The following PITPNC1 variants were observed in gnomAD, a reference collection of about 807,000 sequenced individuals.
The protein encoded by PITPNC1 is cytoplasmic phosphatidylinositol transfer protein 1.
PITPNC1 carries 18 observed loss-of-function variants against 44.7 expected under a neutral mutation model. The ratio of observed to expected loss-of-function variants is 0.40; its 90% CI spans 0.28 to 0.60. The LOEUF is 0.60. Among genes scored for constraint, PITPNC1 ranks in the 20% least tolerant of loss-of-function variants. PITPNC1 has a pLI of 0.39. For missense variants in PITPNC1, 290 were observed against 418.4 expected (o/e 0.69, Z 2.68); for synonymous variants, 141 against 149.6 (o/e 0.94, Z 0.42).
At chr17:67,434,938 G>A (rs2038914334) in intron 1 of PITPNC1, among the ~76,000 whole-genome samples, 2 of 151,348 alleles carry the variant, frequency 1.3e-5, no homozygotes, top group Admixed American at 1.3e-4. Context: ...GAGAAACCCC[G>A]TCTATACTAA....
intron 5 of PITPNC1, among the ~76,000 whole-genome samples, chr17:67,582,085 C>G (rs774766823): frequency 6.6e-6 from 1 of 152,144 alleles, no homozygotes; most frequent in Non-Finnish European, 1.5e-5. Context: ...TCCATTCATA[C>G]TTGTTAATAC....
chr17:67,428,132 C>T (rs926554776), intron 1 of PITPNC1, among the ~76,000 whole-genome samples: 2 of 152,156 alleles, frequency 1.3e-5, no homozygotes, highest in East Asian at 3.8e-4. Context: ...GTGGCTGGCA[C>T]TACAGGCATC....
chr17:67,530,285 G>T (rs1334040523), intron 1 of PITPNC1, among the ~76,000 whole-genome samples: 1 of 151,746 alleles, frequency 6.6e-6, no homozygotes, highest in African/African-American at 2.4e-5. Context: ...TAGAGGTGGG[G>T]ATTCACCGTG....
intron 5 of PITPNC1, among the ~76,000 whole-genome samples, chr17:67,631,671 T>TATATATATATATATATAA (rs1272988970): frequency 4.3e-5 from 3 of 69,670 alleles, no homozygotes; most frequent in African/African-American, 1.3e-4. Context: ...TATATATATA[T>TATATATATATATATATAA]AAAATATATA....
At chr17:67,448,593 C>T (rs2039133559) in intron 1 of PITPNC1, among the ~76,000 whole-genome samples, 1 of 152,160 alleles carries the variant, frequency 6.6e-6, no homozygotes, top group Non-Finnish European at 1.5e-5. Context: ...TCCACTGGAC[C>T]ATTCTCTAGA....
At chr17:67,671,271 G>GA (rs2042507710) in intron 7 of PITPNC1, among the ~76,000 whole-genome samples, 1 of 152,116 alleles carries the variant, frequency 6.6e-6, no homozygotes. Context: ...CCTCATGGGA[G>GA]AAAAAAATGG....
intron 2 of PITPNC1, among the ~76,000 whole-genome samples, chr17:67,548,911 C>G (rs2144158875): frequency 6.6e-6 from 1 of 152,246 alleles, no homozygotes; most frequent in South Asian, 2.1e-4. Context: ...AAAGTGACAG[C>G]AACAGTGGGG....
chr17:67,529,254 T>C (rs558175837), intron 1 of PITPNC1, among the ~76,000 whole-genome samples: 1 of 152,336 alleles, frequency 6.6e-6, no homozygotes, highest in Admixed American at 6.5e-5. Context: ...CAGCCAGGGC[T>C]GACTGGCGTC....
intron 1 of PITPNC1, among the ~76,000 whole-genome samples, chr17:67,482,170 C>T (rs899615987): frequency 3.3e-5 from 5 of 152,176 alleles, no homozygotes; most frequent in Admixed American, 3.3e-4. Context: ...TTGTGAAATG[C>T]ACATGATCTT....
intron 5 of PITPNC1, among the ~76,000 whole-genome samples, chr17:67,626,679 A>G (rs2041899217): frequency 1.3e-5 from 2 of 152,110 alleles, no homozygotes; most frequent in South Asian, 2.1e-4. Context: ...AGATAACTGA[A>G]TTTAAACTCA....
At chr17:67,649,720 AT>A (rs199744986) in intron 6 of PITPNC1, among the ~76,000 whole-genome samples, 4 of 151,678 alleles carry the variant, frequency 2.6e-5, no homozygotes, top group Non-Finnish European at 5.9e-5. Context: ...CTCCATCTCT[AT>A]TTTTTTTACT....
Position 67,653,500 on chromosome 17 carries a change from T to C in PITPNC1, c.463-16008T>C, listed in dbSNP as rs1397177481. Among the ~76,000 whole-genome samples, 3 of 152,252 alleles carry C rather than the reference T, an allele frequency of 2.0e-5. No individual in the cohort carries two copies. The South Asian group carries it at 6.2e-4, about 32-fold the overall frequency. On this transcript the variant is annotated intron_variant, in intron 6 of 8. Coordinates refer to ENST00000581322, the MANE Select transcript of PITPNC1 (RefSeq NM_012417.4). Reference sequence around the variant, plus strand: ...TCTAGCCTCCAGTACTGTGAAACAATAAATTTCTGATGTTTAAGCCACCAG... The same window carrying C: ...TCTAGCCTCCAGTACTGTGAAACAACAAATTTCTGATGTTTAAGCCACCAG...
At chr17:67,379,141 A>G (rs1306920441) in intron 1 of PITPNC1, 1 of 985,968 alleles carries the variant, frequency 1.0e-6, no homozygotes, top group African/African-American at 1.7e-5. Context: ...GTCCAGGGAC[A>G]GCGAGGGAGC....
chr17:67,631,900 C>G (rs115210092), intron 5 of PITPNC1, among the ~76,000 whole-genome samples: 1,681 of 150,012 alleles, frequency 0.011, 43 homozygotes, highest in African/African-American at 0.04. Context: ...CTAAAAACAG[C>G]CCAGTTTTTC....
chr17:67,571,515 AG>A lies in PITPNC1; in HGVS notation c.295-6670del, dbSNP rs560500899. 2.2e-3 allele frequency among the ~76,000 whole-genome samples: 329 copies of A among 152,364 alleles called. 2 individuals are homozygous for A. Among genetic ancestry groups the A allele is most frequent in the African/African-American group, 7.6e-3 (318 of 41,580 alleles). On this transcript the variant is annotated intron_variant, in intron 4 of 8. Transcript: ENST00000581322. ...TGGGTCAGGAGTTGGAACCCAGGCTAGCTGGGTCCTTGGCTCAGGCAACTCA... is the reference window on the plus strand; with the variant it reads ...TGGGTCAGGAGTTGGAACCCAGGCTACTGGGTCCTTGGCTCAGGCAACTCA...
intron 5 of PITPNC1, among the ~76,000 whole-genome samples, chr17:67,582,084 A>G (rs1291688943): frequency 6.6e-6 from 1 of 152,208 alleles, no homozygotes; most frequent in South Asian, 2.1e-4. Context: ...TTCCATTCAT[A>G]CTTGTTAATA....
intron 1 of PITPNC1, among the ~76,000 whole-genome samples, chr17:67,453,465 A>T (rs1253267845): frequency 2.0e-5 from 3 of 152,188 alleles, no homozygotes; most frequent in African/African-American, 7.2e-5. Context: ...GCTACTCTGT[A>T]GTTCCAGGTG....
intron 1 of PITPNC1, among the ~76,000 whole-genome samples, chr17:67,492,234 G>T (rs190035165): frequency 8.9e-4 from 135 of 152,258 alleles, no homozygotes; most frequent in Non-Finnish European, 1.3e-3. Context: ...ATCTTATTTG[G>T]AAGGAGACCT....
At chr17:67,499,191 A>G (rs753218128) in intron 1 of PITPNC1, among the ~76,000 whole-genome samples, 17 of 151,084 alleles carry the variant, frequency 1.1e-4, no homozygotes, top group Admixed American at 2.0e-4. Flanking sequence ...TTCTTTGAAG[A>G]AATATCTATT....
Sources: allele counts gnomAD v4.1 joint callset (sites outside exome capture counted in the v4.1 genomes callset), GRCh38; gene constraint gnomAD v4.1.1; transcripts MANE v1.5; gene names NCBI Gene and HGNC (gene_info 2026-07-23, HGNC 2026-07-21).